DYNC1I1: variants seen among roughly 807,000 people sequenced by gnomAD.
DYNC1I1 encodes dynein cytoplasmic 1 intermediate chain 1.
Under a neutral mutation model 86.6 loss-of-function variants are expected in DYNC1I1, and 43 were observed. The observed-to-expected ratio is 0.50, with a 90% CI of 0.39 to 0.64. DYNC1I1 has a LOEUF of 0.64. DYNC1I1 is among the 30% of genes least tolerant of loss of function. DYNC1I1 has a pLI of 0.00. For missense variants in DYNC1I1, 604 were observed against 788.8 expected, an observed-to-expected ratio of 0.77 and a Z score of 2.81; for synonymous variants, 262 against 283.7, an observed-to-expected ratio of 0.92 and a Z score of 0.77.
chr7:95,925,236 AT>A (rs1422065079), intron 6 of DYNC1I1, among the ~76,000 whole-genome samples: 1 of 152,088 alleles, frequency 6.6e-6, no homozygotes, highest in Non-Finnish European at 1.5e-5. Flanking sequence ...TTAAAAGTAC[AT>A]GTTTGGATGT....
At chr7:95,894,046 T>C (rs1790811786) in intron 6 of DYNC1I1, among the ~76,000 whole-genome samples, 1 of 152,130 alleles carries the variant, frequency 6.6e-6, no homozygotes, top group Non-Finnish European at 1.5e-5. Flanking sequence ...AGAAATTTGA[T>C]AACTATTTAA....
At chr7:95,911,285 G>A (rs968299394) in intron 6 of DYNC1I1, among the ~76,000 whole-genome samples, 2 of 152,164 alleles carry the variant, frequency 1.3e-5, no homozygotes, top group Admixed American at 6.5e-5. Flanking sequence ...GAAGCCAGGA[G>A]GTAAGTCATG....
downstream of DYNC1I1, among the ~76,000 whole-genome samples, chr7:96,098,990 C>T (rs1791086689): frequency 6.6e-6 from 1 of 152,002 alleles, no homozygotes; most frequent in African/African-American, 2.4e-5. Context: ...ACTTTTTCTC[C>T]AAGTAGCCTA....
intron 15 of DYNC1I1, among the ~76,000 whole-genome samples, chr7:96,080,037 T>A (rs1457048507): frequency 6.6e-6 from 1 of 152,146 alleles, no homozygotes; most frequent in South Asian, 2.1e-4. Context: ...TGGGGAAGGA[T>A]CCCATTTAGC....
At position 95,924,612 on chromosome 7, in the gene DYNC1I1, T is replaced by C. The variant is rs527282984; in HGVS notation, c.491-52900T>C. ...TTCTGCTTCTGATGAGAATGCGAAA[T>C]GTGGAAACACATTAGGTCACTCATT... On this transcript the variant is annotated intron_variant, in intron 6 of 16. Coordinates refer to ENST00000447467, the MANE Select transcript of DYNC1I1 (RefSeq NM_001135556.2). Among the ~76,000 whole-genome samples the C allele has an allele frequency of 5.1e-4, 78 of 152,300 alleles. 1 individual carries two copies. In the South Asian group the frequency reaches 0.014, roughly 27 times the overall value.
chr7:95,986,569 A>G (rs1793600053), intron 8 of DYNC1I1, among the ~76,000 whole-genome samples: 1 of 152,290 alleles, frequency 6.6e-6, no homozygotes, highest in South Asian at 2.1e-4. Flanking sequence ...ATCACTTACT[A>G]TTGAGTGAGG....
intron 14 of DYNC1I1, among the ~76,000 whole-genome samples, chr7:96,058,966 C>T (rs1338150624): frequency 6.6e-6 from 1 of 152,008 alleles, no homozygotes; most frequent in Non-Finnish European, 1.5e-5. Context: ...TTATGTACAA[C>T]AGTTGTATTC....
In DYNC1I1 at chr7:96,017,555, T is replaced by C. The variant is rs180847446; in HGVS notation, c.970-10620T>C. Among the ~76,000 whole-genome samples the C allele has an allele frequency of 5.3e-5, 8 of 152,246 alleles. No homozygotes were observed. In the East Asian group the frequency reaches 1.4e-3, roughly 26 times the overall value. ...CCTTTTATTTCTAAAATATGACCATTTTGCTGAAGATGATTCTCTCTCTCA... is the reference window on the plus strand; with the variant it reads ...CCTTTTATTTCTAAAATATGACCATCTTGCTGAAGATGATTCTCTCTCTCA... On this transcript the variant is annotated intron_variant, in intron 10 of 16. Coordinates refer to ENST00000447467, the MANE Select transcript of DYNC1I1 (RefSeq NM_001135556.2).
In DYNC1I1 at chr7:95,987,273, T is replaced by TC. The variant is rs201928356; in HGVS notation, c.843+122dup. ...TCCTCTCTATGCCTGTTGGTTTTTT[T>TC]CCCCTCATTTTATTGAGGTTTCAGT... On this transcript the variant is annotated intron_variant, in intron 9 of 16. Coordinates refer to ENST00000447467, the MANE Select transcript of DYNC1I1 (RefSeq NM_001135556.2). 1.8e-3 allele frequency: 1,529 copies of TC among 857,360 alleles called. 19 individuals carry two copies. The African/African-American group carries it at 0.023, about 13-fold the overall frequency. 53.1% of individuals were successfully genotyped at this position (857,360 alleles called of 1,614,324 possible). A position where few individuals can be genotyped will look rare whatever the true frequency, so the allele number is the denominator to read the frequency against.
chr7:95,869,804 A>AG lies in DYNC1I1; in HGVS notation c.375-78dup. On this transcript the variant is annotated intron_variant, in intron 5 of 16. Transcript: ENST00000447467. ...AGGGTATTTGTGGTTTGTTTGTTTT[A>AG]GTGCTTTCTTTTATTACTGATAGCT... 2.2e-6 allele frequency: 3 copies of AG among 1,348,010 alleles called. No individual in the cohort carries two copies. In the South Asian group the frequency reaches 3.9e-5, roughly 17 times the overall value. 83.5% of individuals were successfully genotyped at this position (1,348,010 alleles called of 1,614,324 possible). A position where few individuals can be genotyped will look rare whatever the true frequency, so the allele number is the denominator to read the frequency against.
At chr7:95,870,118 C>T (rs1790124314) in intron 6 of DYNC1I1, 120 bp downstream of exon 6, 1 of 819,382 alleles carries the variant, frequency 1.2e-6, no homozygotes. Flanking sequence ...AACATAATGA[C>T]ACTGAAAGCC....
At chr7:95,949,562 G>T (rs1218625112) in intron 6 of DYNC1I1, among the ~76,000 whole-genome samples, 1 of 152,202 alleles carries the variant, frequency 6.6e-6, no homozygotes, top group Non-Finnish European at 1.5e-5. Flanking sequence ...TCTTGAAATT[G>T]TTGGAAAAAG....
intron 14 of DYNC1I1, among the ~76,000 whole-genome samples, chr7:96,053,859 T>C (rs556711299): frequency 3.9e-5 from 6 of 152,324 alleles, no homozygotes; most frequent in African/African-American, 1.4e-4. Flanking sequence ...TAAAAATAAT[T>C]ACTACTTTAT....
rs371217689 is a variant in DYNC1I1 at position 95,810,469 on chromosome 7, G to C, written c.186G>C (p.Leu62Phe). The stretch of plus-strand genomic sequence containing the variant: ...GCAAACGACGAGAGACAGAGGCTTT[G>C]CTGCAAAGCATTGGTATCTCACCGG... Reference protein sequence around the residue: ...LDRKRRETEALLQSIGISPEP... With the variant: ...LDRKRRETEAFLQSIGISPEP... Residue 62 changes from leucine (L) to phenylalanine (F), a missense_variant, in exon 3 of 17, where the codon TTG becomes TTC. Transcript: ENST00000447467. 1 of 1,612,946 alleles carries C rather than the reference G, an allele frequency of 6.2e-7. No homozygotes were observed. The highest frequency in any genetic ancestry group is 8.5e-7 in the Non-Finnish European group (1 of 1,179,360).
chr7:96,017,072 G>A (rs1470038119), intron 10 of DYNC1I1, among the ~76,000 whole-genome samples: 1 of 152,088 alleles, frequency 6.6e-6, no homozygotes, highest in Non-Finnish European at 1.5e-5. Flanking sequence ...CGAAGTTAAT[G>A]CTGCCTACAC....
chr7:96,047,068 C>T (rs922628208), intron 14 of DYNC1I1, among the ~76,000 whole-genome samples: 23 of 152,142 alleles, frequency 1.5e-4, no homozygotes, highest in African/African-American at 5.6e-4. Context: ...GATTTGGTGT[C>T]TGGTGAGTGC....
At chr7:96,035,214 G>T (rs1020989237) in intron 12 of DYNC1I1, among the ~76,000 whole-genome samples, 1 of 152,136 alleles carries the variant, frequency 6.6e-6, no homozygotes, top group African/African-American at 2.4e-5. Flanking sequence ...TGACAAATTT[G>T]CTTAGTACAT....
At chr7:96,077,314 TAA>T (rs2116252933) in intron 15 of DYNC1I1, among the ~76,000 whole-genome samples, 2 of 151,890 alleles carry the variant, frequency 1.3e-5, no homozygotes, top group Admixed American at 1.3e-4. Flanking sequence ...GTGTTATTAT[TAA>T]GTCTTTGTAT....
intron 5 of DYNC1I1, among the ~76,000 whole-genome samples, chr7:95,839,388 G>A (rs1789214880): frequency 6.6e-6 from 1 of 151,822 alleles, no homozygotes; most frequent in African/African-American, 2.4e-5. Context: ...GGTTATTATG[G>A]GACTTACATA....
Sources: gnomAD v4.1 joint callset for allele counts (sites outside exome capture counted in the v4.1 genomes callset) on GRCh38, gnomAD v4.1.1 for gene constraint, MANE v1.5 for transcripts, NCBI Gene and HGNC (gene_info 2026-07-23, HGNC 2026-07-21) for gene names.